Variants in CERS3 observed in about 807,000 individuals in gnomAD.
The protein encoded by CERS3 is LAG1 homolog, ceramide synthase 3.
CERS3 carries 33 observed loss-of-function variants against 50.3 expected under a neutral mutation model. That is an observed-to-expected ratio of 0.66 (90% CI 0.50 to 0.88). The LOEUF (loss-of-function observed/expected upper bound fraction) is 0.88, where lower values mean the gene tolerates loss of function less well. CERS3 is among the 40% of genes least tolerant of loss of function. The pLI, the probability that CERS3 is intolerant of heterozygous loss-of-function variation, is 0.00. For missense variants in CERS3, 470 were observed against 460.3 expected (o/e 1.02, Z -0.19); for synonymous variants, 176 against 155.2 (o/e 1.13, Z -0.99).
intron 3 of CERS3, among the ~76,000 whole-genome samples, chr15:100,492,918 A>G (rs1242620750): frequency 2.0e-5 from 3 of 152,194 alleles, no homozygotes; most frequent in Admixed American, 6.5e-5. Flanking sequence ...AATTTATAAC[A>G]TCTTACTTCA....
chr15:100,524,267 T>C (rs1239590102), intron 1 of CERS3, among the ~76,000 whole-genome samples: 4 of 152,250 alleles, frequency 2.6e-5, no homozygotes, highest in African/African-American at 9.6e-5. Context: ...TGTGTGTATA[T>C]ATGTCCTAAG....
upstream of CERS3, among the ~76,000 whole-genome samples, chr15:100,530,589 A>G (rs569171083): frequency 1.3e-4 from 20 of 152,214 alleles, no homozygotes; most frequent in South Asian, 2.1e-4. Flanking sequence ...CTGCTTCCCC[A>G]CTACTTTGGG....
intron 11 of CERS3, 75 bp downstream of exon 11, chr15:100,455,818 G>A: frequency 2.3e-6 from 2 of 888,368 alleles, no homozygotes. Flanking sequence ...GAATTAACTT[G>A]AACATTCAAC....
At chr15:100,517,859 A>T (rs747595299) in intron 2 of CERS3, among the ~76,000 whole-genome samples, 1 of 152,192 alleles carries the variant, frequency 6.6e-6, no homozygotes, top group Non-Finnish European at 1.5e-5. Flanking sequence ...GCAGAAAAAC[A>T]TCCCCAAATA....
intron 11 of CERS3, among the ~76,000 whole-genome samples, chr15:100,405,243 A>C (rs2654615): frequency 0.016 from 217 of 13,722 alleles, 1 homozygote; most frequent in Admixed American, 0.02. Flanking sequence ...TAAAAAAAAA[A>C]AAAAACAAAA....
chr15:100,423,857 C>G (rs1021723233), intron 11 of CERS3, among the ~76,000 whole-genome samples: 1 of 152,054 alleles, frequency 6.6e-6, no homozygotes, highest in African/African-American at 2.4e-5. Flanking sequence ...AGGCCTCCCC[C>G]ACGATGTTAC....
intron 11 of CERS3, among the ~76,000 whole-genome samples, chr15:100,404,244 C>T (rs115604039): frequency 1.1e-3 from 160 of 152,330 alleles, no homozygotes; most frequent in African/African-American, 3.4e-3. Flanking sequence ...TGAGAGAATA[C>T]ATTTCTGTTA....
intron 11 of CERS3, among the ~76,000 whole-genome samples, chr15:100,432,488 T>C (rs2033184792): frequency 6.6e-6 from 1 of 152,212 alleles, no homozygotes; most frequent in Admixed American, 6.5e-5. Flanking sequence ...TCAAGCTCAG[T>C]ATGAATTAAC....
intron 1 of CERS3, among the ~76,000 whole-genome samples, chr15:100,542,529 T>C (rs7174563): frequency 0.5 from 75,691 of 151,632 alleles, 19,160 homozygotes; most frequent in South Asian, 0.6. Context: ...AATCAGACAC[T>C]CAAATGCATG....
intron 10 of CERS3, among the ~76,000 whole-genome samples, chr15:100,468,883 G>A (rs1262083042): frequency 6.6e-6 from 1 of 152,172 alleles, no homozygotes; most frequent in Non-Finnish European, 1.5e-5. Context: ...AAATAAACAA[G>A]TATCAGTTTT....
chr15:100,499,694 G>C (rs1237263101), intron 3 of CERS3, among the ~76,000 whole-genome samples: 1 of 152,112 alleles, frequency 6.6e-6, no homozygotes, highest in Non-Finnish European at 1.5e-5. Context: ...CTGAAACATA[G>C]GGTTATATTT....
intron 11 of CERS3, among the ~76,000 whole-genome samples, chr15:100,423,581 A>G (rs768824887): frequency 2.0e-5 from 3 of 152,174 alleles, no homozygotes; most frequent in Non-Finnish European, 4.4e-5. Flanking sequence ...GGGGTACAAC[A>G]GACACTAGGT....
Position 100,456,023 on chromosome 15 carries a change from A to C in CERS3, c.869T>G (p.Leu290Trp), listed in dbSNP as rs893020176. The C allele has an allele frequency of 6.2e-7, 1 of 1,611,592 alleles. No homozygotes were observed. The highest frequency in any genetic ancestry group is 8.5e-7 in the Non-Finnish European group (1 of 1,178,822). ...GAAAGGCTCGAGGTGATACATAGGCAAGATCAGCGTGCAATATAAAATCCT... is the reference window on the plus strand; with the variant it reads ...GAAAGGCTCGAGGTGATACATAGGCCAGATCAGCGTGCAATATAAAATCCT... ...PFWILYCTLILPMYHLEPFFS... is the reference protein window; with the variant it reads ...PFWILYCTLIWPMYHLEPFFS... Residue 290 changes from leucine (L) to tryptophan (W), a missense_variant, in exon 11 of 12, where the codon TTG becomes TGG. Leu to Trp is a moderately conservative substitution (Grantham distance 61). Coordinates refer to ENST00000679737, the MANE Select transcript of CERS3 (RefSeq NM_001378789.1).
chr15:100,461,114 G>A (rs766500403), intron 10 of CERS3, among the ~76,000 whole-genome samples: 31 of 152,148 alleles, frequency 2.0e-4, no homozygotes, highest in Non-Finnish European at 4.1e-4. Context: ...AGGAAGCTTG[G>A]CTGGTTTTAG....
At chr15:100,539,081 T>A (rs1206230130) in intron 1 of CERS3, among the ~76,000 whole-genome samples, 1 of 152,238 alleles carries the variant, frequency 6.6e-6, no homozygotes, top group Non-Finnish European at 1.5e-5. Flanking sequence ...CCAGCCTCTT[T>A]GCCAAAGCAT....
chr15:100,507,594 A>G (rs746474989), intron 2 of CERS3, among the ~76,000 whole-genome samples: 2 of 152,250 alleles, frequency 1.3e-5, no homozygotes, highest in Non-Finnish European at 2.9e-5. Context: ...TGTACTGGAC[A>G]TGTCATTTTG....
At chr15:100,505,113 T>C (rs1182522456) in intron 2 of CERS3, among the ~76,000 whole-genome samples, 2 of 152,192 alleles carry the variant, frequency 1.3e-5, no homozygotes, top group African/African-American at 2.4e-5. Flanking sequence ...GAAGTTTGCC[T>C]CAGCATGTTC....
At chr15:100,446,301 G>C (rs1264313533) in intron 11 of CERS3, among the ~76,000 whole-genome samples, 1 of 150,018 alleles carries the variant, frequency 6.7e-6, no homozygotes, top group African/African-American at 2.5e-5. Context: ...AACTTTAACA[G>C]GAAAAGTTGG....
chr15:100,514,376 T>C (rs60462466), intron 2 of CERS3, among the ~76,000 whole-genome samples: 4 of 151,970 alleles, frequency 2.6e-5, no homozygotes, highest in Admixed American at 2.6e-4. Flanking sequence ...AACTACGATA[T>C]AGTAAAACTA....
Sources: gnomAD v4.1 joint callset for allele counts (sites outside exome capture counted in the v4.1 genomes callset) on GRCh38, gnomAD v4.1.1 for gene constraint, MANE v1.5 for transcripts, NCBI Gene and HGNC (gene_info 2026-07-23, HGNC 2026-07-21) for gene names.